GNL2: variants seen among roughly 807,000 people sequenced by gnomAD.
GNL2 encodes the protein G protein nucleolar 2, also known as nucleolar GTP-binding protein 2.
A neutral mutation model predicts 92.3 loss-of-function variants in GNL2; 51 were observed. That is an observed-to-expected ratio of 0.55 (90% CI 0.44 to 0.70). GNL2 has a LOEUF of 0.70. GNL2 is among the 30% of genes least tolerant of loss of function. The pLI is 0.00. For missense variants in GNL2, 844 were observed against 895.6 expected, an observed-to-expected ratio of 0.94 and a Z score of 0.74; for synonymous variants, 283 against 300.6, an observed-to-expected ratio of 0.94 and a Z score of 0.61.
chr1:37,571,982 G>A (rs1409273214), intron 12 of GNL2, among the ~76,000 whole-genome samples: 1 of 151,890 alleles, frequency 6.6e-6, no homozygotes, highest in East Asian at 1.9e-4. Context: ...TTCAGCATCA[G>A]GACACACAGA....
chr1:37,568,606 G>T (rs1250863838), intron 13 of GNL2, among the ~76,000 whole-genome samples: 1 of 152,202 alleles, frequency 6.6e-6, no homozygotes, highest in Non-Finnish European at 1.5e-5. Flanking sequence ...ACAGCCAAGT[G>T]TGGTGGTGCA....
chr1:37,582,814 T>A lies in GNL2; in HGVS notation c.759A>T (p.Val253=), dbSNP rs200400546. The change falls in exon 7 of 16, where the codon GTA becomes GTT. Residue 253 remains valine (V), a synonymous_variant. Coordinates refer to ENST00000373062, the MANE Select transcript of GNL2 (RefSeq NM_013285.3). The stretch of plus-strand genomic sequence containing the variant: ...TTGGAACAAGGTCACATTTGTTAAG[T>A]ACAAAAATGAGGTGTTTCCAAGGTT... ...KEKPWKHLIF[V]LNKCDLVPTW... 16 of 1,613,718 alleles carry A rather than the reference T, an allele frequency of 9.9e-6. No homozygotes were observed. The highest frequency in any genetic ancestry group is 1.4e-5 in the Non-Finnish European group (16 of 1,179,874).
At chr1:37,574,625 T>C (rs1643648232) in intron 11 of GNL2, 40 bp downstream of exon 11, 1 of 1,593,556 alleles carries the variant, frequency 6.3e-7, no homozygotes, top group Admixed American at 1.7e-5. Flanking sequence ...TACATGCTTG[T>C]GACAAGTATC....
chr1:37,569,777 T>C (rs1289169789), intron 12 of GNL2: 1 of 154,792 alleles, frequency 6.5e-6, no homozygotes, highest in Non-Finnish European at 1.4e-5. Context: ...GGTTTGGCTG[T>C]GTCCAAATCT....
In GNL2 at chr1:37,595,829, G is replaced by A; in HGVS notation, c.-7C>T. 1 of 1,613,928 alleles carries A rather than the reference G, an allele frequency of 6.2e-7. No individual in the cohort carries two copies. Among genetic ancestry groups the A allele is most frequent in the Non-Finnish European group, 8.5e-7 (1 of 1,179,760 alleles). On this transcript the variant is annotated 5_prime_UTR_variant, in exon 1 of 16. Coordinates refer to ENST00000373062, the MANE Select transcript of GNL2 (RefSeq NM_013285.3). ...TGTACTTGGGCTTCACCATCTTGGC[G>A]ACGAGACCGGGACCGGAGTGCGAGG...
At chr1:37,584,966 C>A (rs868667018) in intron 5 of GNL2, among the ~76,000 whole-genome samples, 11 of 151,552 alleles carry the variant, frequency 7.3e-5, no homozygotes, top group African/African-American at 2.7e-4. Context: ...CCTGTAATCC[C>A]AGCCACTCGG....
At chr1:37,576,291 A>C in intron 9 of GNL2, 137 bp downstream of exon 9, 1 of 765,076 alleles carries the variant, frequency 1.3e-6, no homozygotes, top group Non-Finnish European at 2.1e-6. Flanking sequence ...GATACGTTCC[A>C]AACTATTATA....
intron 1 of GNL2, 96 bp downstream of exon 1, chr1:37,595,663 G>T: frequency 9.9e-7 from 1 of 1,009,034 alleles, no homozygotes; most frequent in Non-Finnish European, 1.6e-6. Flanking sequence ...TCTAAGCAAT[G>T]CCACTCGAGT....
chr1:37,567,892 T>A, intron 14 of GNL2, 128 bp from the exon 15 acceptor site: 1 of 707,902 alleles, frequency 1.4e-6, no homozygotes, highest in South Asian at 1.6e-5. Context: ...AGCACAGTGG[T>A]GAGTAAAGCA....
At chr1:37,579,043 T>C (rs1396851266) in intron 8 of GNL2, among the ~76,000 whole-genome samples, 1 of 152,072 alleles carries the variant, frequency 6.6e-6, no homozygotes, top group Non-Finnish European at 1.5e-5. Context: ...AGCGTGACTG[T>C]AGCAGAAAAC....
chr1:37,567,367 A>C (rs894146093), intron 15 of GNL2, among the ~76,000 whole-genome samples: 2 of 152,222 alleles, frequency 1.3e-5, no homozygotes, highest in African/African-American at 4.8e-5. Flanking sequence ...TGTCCTTCAC[A>C]GAAGTCAGTG....
At chr1:37,593,885 C>T in intron 1 of GNL2, 39 bp from the exon 2 acceptor site, 2 of 1,451,702 alleles carry the variant, frequency 1.4e-6, no homozygotes, top group Non-Finnish European at 1.9e-6. Flanking sequence ...TATTTGATAA[C>T]CAACCAGTAT....
At position 37,574,415 on chromosome 1, in the gene GNL2, G is replaced by A. The variant is rs369456784; in HGVS notation, c.1344C>T (p.Leu448=). ...PDLQTVGKMV[L]NDWQRGRIPF... ...GAATCCGGCCCCTCTGCCAGTCATT[G>A]AGGACCATCTTACCCACAGTCTGCA... is the stretch of plus-strand genomic sequence containing the variant. Residue 448 remains leucine, a synonymous_variant, in exon 12 of 16, where the codon CTC becomes CTT. Coordinates refer to ENST00000373062, the MANE Select transcript of GNL2 (RefSeq NM_013285.3). The A allele has an allele frequency of 1.6e-5, 26 of 1,613,986 alleles. No homozygotes were observed. The highest frequency in any genetic ancestry group is 2.2e-5 in the Non-Finnish European group (26 of 1,180,002).
Position 37,582,907 on chromosome 1 carries a change from T to A in GNL2, c.666A>T (p.Gln222His). ...KVIDSSDVVVQVLDARDPMGT... is the reference protein window; with the variant it reads ...KVIDSSDVVVHVLDARDPMGT... ...CCATTGGATCTCTAGCATCAAGAACTTGAACTACAACATCTGATGAATCTA... is the reference window on the plus strand; with the variant it reads ...CCATTGGATCTCTAGCATCAAGAACATGAACTACAACATCTGATGAATCTA... Residue 222 changes from glutamine (Q) to histidine (H), a missense_variant, in exon 7 of 16, where the codon CAA becomes CAT. Transcript: ENST00000373062. 3 of 1,612,908 alleles carry A rather than the reference T, an allele frequency of 1.9e-6. No individual in the cohort carries two copies. The highest frequency in any genetic ancestry group is 2.5e-6 in the Non-Finnish European group (3 of 1,179,252).
intron 12 of GNL2, among the ~76,000 whole-genome samples, chr1:37,573,323 G>C (rs1557638113): frequency 6.6e-6 from 1 of 152,206 alleles, no homozygotes; most frequent in African/African-American, 2.4e-5. Context: ...TGGACCCAAC[G>C]ACACTAGCAA....
rs769099338 is a variant in GNL2 at position 37,582,333 on chromosome 1, G to A, written c.799C>T (p.Arg267Trp). ...TCCTGGGAGAGGACAGCAACCCACC[G>A]TTTCTAGAAGGAGAGATGAAAACAT... ...CDLVPTWATK[R>W]WVAVLSQDYP... Residue 267 changes from arginine (R) to tryptophan (W), a missense_variant, in exon 8 of 16, where the codon CGG (arginine) becomes TGG (tryptophan). Arg to Trp is a moderately radical substitution (Grantham distance 101, BLOSUM62 -3). Transcript: ENST00000373062. The A allele has an allele frequency of 1.3e-5, 20 of 1,598,488 alleles. No homozygotes were observed. The highest frequency in any genetic ancestry group is 8.6e-5 in the Admixed American group (5 of 58,044).
In GNL2 at chr1:37,568,066, T is replaced by C. The variant is rs1194143661; in HGVS notation, c.1951+209A>G. 13 of 592,524 alleles carry C rather than the reference T, an allele frequency of 2.2e-5. No homozygotes were observed. The East Asian group carries it at 3.3e-4, about 15-fold the overall frequency. 36.7% of individuals were successfully genotyped at this position (592,524 alleles called of 1,614,324 possible). Reference sequence around the variant, plus strand: ...TTAATAATGAACCCTTTCTAGGAAGTTTCCTGAATTGCCAATTTAATCCTA... The same window carrying C: ...TTAATAATGAACCCTTTCTAGGAAGCTTCCTGAATTGCCAATTTAATCCTA... On this transcript the variant is annotated intron_variant, in intron 14 of 15. Coordinates refer to ENST00000373062, the MANE Select transcript of GNL2 (RefSeq NM_013285.3).
rs140416071 is a variant in GNL2, at chr1:37,569,379, C to T, written c.1417-77G>A. 3.3e-4 allele frequency: 307 copies of T among 942,216 alleles called. 2 individuals are homozygous for T. In the African/African-American group the frequency reaches 4.7e-3, roughly 14 times the overall value. The allele number at this position is 942,216 out of a possible 1,614,324, so 58.4% of individuals were successfully genotyped here. A position where few individuals can be genotyped will look rare whatever the true frequency, so the allele number is the denominator to read the frequency against. On this transcript the variant is annotated intron_variant, in intron 12 of 15. Coordinates refer to ENST00000373062, the MANE Select transcript of GNL2 (RefSeq NM_013285.3). ...GGAATTTCTGAACTCATATCTTGCT[C>T]TTAAACAGTCCTCTTCTCAGGACTA...
At chr1:37,574,590 CA>C (rs1256729405) in intron 11 of GNL2, 74 bp downstream of exon 11, 26 of 1,467,976 alleles carry the variant, frequency 1.8e-5, no homozygotes, top group South Asian at 4.7e-5. Flanking sequence ...ACATGCATAC[CA>C]AAAAAAGGCC....
Sources: gnomAD v4.1 joint callset for allele counts (sites outside exome capture counted in the v4.1 genomes callset) on GRCh38, gnomAD v4.1.1 for gene constraint, MANE v1.5 for transcripts, NCBI Gene and HGNC (gene_info 2026-07-23, HGNC 2026-07-21) for gene names.